PAM: variants seen among roughly 807,000 people sequenced by gnomAD.
PAM encodes peptidyl-glycine alpha-amidating monooxygenase.
In PAM, 72 loss-of-function variants were observed where a neutral mutation model predicts 122.1. That is an observed-to-expected ratio of 0.59 (90% CI 0.49 to 0.72). PAM has a LOEUF of 0.72. Among genes scored for constraint, PAM ranks in the 30% least tolerant of loss-of-function variants. The probability of loss-of-function intolerance (pLI) is 0.00; values close to 1 mark genes in which losing one functional copy is unlikely to be tolerated. For synonymous variants in PAM, 389 were observed against 404.4 expected (o/e 0.96, Z 0.46); for missense variants, 1,106 against 1,183.7 (o/e 0.93, Z 0.96).
intron 7 of PAM, among the ~76,000 whole-genome samples, chr5:102,946,205 G>A (rs888084604): frequency 6.6e-6 from 1 of 152,124 alleles, no homozygotes; most frequent in Admixed American, 6.6e-5. Context: ...CAGGACCCCT[G>A]TTGGCCTCCA....
At chr5:102,857,057 G>A (rs537403857) in intron 1 of PAM, among the ~76,000 whole-genome samples, 16 of 152,272 alleles carry the variant, frequency 1.1e-4, no homozygotes, top group African/African-American at 3.9e-4. Context: ...GTGTCCCTCA[G>A]TGATCACAAC....
chr5:103,000,362 A>G (rs1387208455), intron 16 of PAM, among the ~76,000 whole-genome samples: 1 of 152,192 alleles, frequency 6.6e-6, no homozygotes, highest in South Asian at 2.1e-4. Context: ...CATTGTTCAT[A>G]TCACTATCAG....
intron 1 of PAM, chr5:102,837,752 C>G (rs1452948616): frequency 6.6e-6 from 1 of 152,126 alleles, no homozygotes; most frequent in Non-Finnish European, 1.5e-5. Context: ...CAGAAAACAA[C>G]ATAATTATAT....
intron 7 of PAM, among the ~76,000 whole-genome samples, chr5:102,944,133 G>T (rs191169082): frequency 2.0e-5 from 3 of 151,924 alleles, no homozygotes; most frequent in Non-Finnish European, 2.9e-5. Flanking sequence ...AAAGCTTCTT[G>T]TACATGCATA....
rs371410077 is a variant in PAM, at chr5:102,926,592, A to C, written c.450A>C (p.Gly150=). The part of the protein sequence containing the change: ...APPTRLPKGV[G]FRVGGETGSK... ...TTTTTTGTAAATCTTTAGGTGTTGG[A>C]TTCAGAGTTGGAGGAGAGACTGGAA... Residue 150 remains glycine (G), a synonymous_variant, in exon 7 of 26, where the codon GGA becomes GGC. Transcript: ENST00000438793. 4 of 1,574,358 alleles carry C rather than the reference A, an allele frequency of 2.5e-6. No homozygotes were observed. Among genetic ancestry groups the C allele is most frequent in the Non-Finnish European group, 3.5e-6 (4 of 1,144,170 alleles).
At chr5:102,938,897 C>A (rs541457772) in intron 7 of PAM, among the ~76,000 whole-genome samples, 1 of 152,190 alleles carries the variant, frequency 6.6e-6, no homozygotes, top group South Asian at 2.1e-4. Context: ...TCACGCTGTT[C>A]CCCACTGCTC....
chr5:102,842,205 AAT>A lies in PAM; in HGVS notation c.-373-23597_-373-23596del, dbSNP rs71226933. Among the ~76,000 whole-genome samples the A allele has an allele frequency of 6.7e-3, 958 of 142,712 alleles. 3 individuals are homozygous for A. The highest frequency in any genetic ancestry group is 0.011 in the Non-Finnish European group (695 of 65,274). The allele number at this position is 142,712 out of a possible 152,430, so 93.6% of individuals were successfully genotyped here. A position where few individuals can be genotyped will look rare whatever the true frequency, so the allele number is the denominator to read the frequency against. On this transcript the variant is annotated intron_variant, in intron 1 of 25. Transcript: ENST00000438793. ...TTTAACTTTACAAAAATACAACCTA[AAT>A]ATATATATATATATATATATCTCCA...
intron 1 of PAM, among the ~76,000 whole-genome samples, chr5:102,801,259 C>T: frequency 6.6e-6 from 1 of 152,082 alleles, no homozygotes; most frequent in Admixed American, 6.5e-5. Flanking sequence ...TAATTTATAT[C>T]ATTAAAACAT....
intron 1 of PAM, among the ~76,000 whole-genome samples, chr5:102,783,224 A>G (rs908314398): frequency 1.6e-5 from 2 of 122,416 alleles, no homozygotes; most frequent in African/African-American, 3.4e-5. Flanking sequence ...GTATTACCAG[A>G]TTTAGCAAAA....
rs1000556354 is a variant in PAM at position 102,837,016 on chromosome 5, G to A, written c.-373-28807G>A. Among the ~76,000 whole-genome samples, 21 of 152,064 alleles carry A rather than the reference G, an allele frequency of 1.4e-4. No homozygotes were observed. The East Asian group carries it at 3.9e-3, about 28-fold the overall frequency. ...TCTCCTGCTCTTTTTCTTTACAGTAGCCCACAGATTCCTAGTAGCTTGGCT... is the reference window on the plus strand; with the variant it reads ...TCTCCTGCTCTTTTTCTTTACAGTAACCCACAGATTCCTAGTAGCTTGGCT... On this transcript the variant is annotated intron_variant, in intron 1 of 25. Coordinates refer to ENST00000438793, the MANE Select transcript of PAM (RefSeq NM_001177306.2).
At chr5:103,009,898 T>G in intron 21 of PAM, 32 bp downstream of exon 21, 1 of 1,147,508 alleles carries the variant, frequency 8.7e-7, no homozygotes, top group South Asian at 1.4e-5. Flanking sequence ...GTTTCAATTT[T>G]CATGAGAAGA....
intron 4 of PAM, among the ~76,000 whole-genome samples, chr5:102,909,305 T>C (rs1372181183): frequency 6.6e-6 from 1 of 151,852 alleles, no homozygotes; most frequent in Non-Finnish European, 1.5e-5. Context: ...CATGATATAA[T>C]ACAGAGTTCC....
chr5:102,977,129 A>C (rs539920602), intron 15 of PAM, among the ~76,000 whole-genome samples: 1 of 152,158 alleles, frequency 6.6e-6, no homozygotes, highest in Non-Finnish European at 1.5e-5. Context: ...TGAGGGTTCA[A>C]AGGTGAAATT....
intron 16 of PAM, among the ~76,000 whole-genome samples, chr5:102,990,943 A>T (rs1773889714): frequency 6.6e-6 from 1 of 152,098 alleles, no homozygotes; most frequent in Non-Finnish European, 1.5e-5. Flanking sequence ...TTATTACTCA[A>T]ATTTGCTCTT....
At chr5:102,830,815 A>C (rs112559371) in intron 1 of PAM, among the ~76,000 whole-genome samples, 70 of 152,348 alleles carry the variant, frequency 4.6e-4, no homozygotes, top group African/African-American at 1.6e-3. Context: ...TTGGCAAATT[A>C]AGCATGTTTG....
chr5:102,797,308 T>A (rs1419649708), intron 1 of PAM, among the ~76,000 whole-genome samples: 1 of 152,182 alleles, frequency 6.6e-6, no homozygotes, highest in East Asian at 1.9e-4. Context: ...CCAATGTGAA[T>A]GCTCTAAATC....
intron 14 of PAM, among the ~76,000 whole-genome samples, chr5:102,962,064 A>G (rs1030204118): frequency 6.6e-6 from 1 of 151,948 alleles, no homozygotes; most frequent in African/African-American, 2.4e-5. Context: ...TCTTATTGCT[A>G]GCTGCTATTG....
chr5:102,894,402 C>T (rs994074752), intron 3 of PAM, among the ~76,000 whole-genome samples: 4 of 151,636 alleles, frequency 2.6e-5, no homozygotes, highest in African/African-American at 7.3e-5. Flanking sequence ...TAAAACTTCT[C>T]TTTCTTTGTC....
chr5:102,822,343 G>A (rs1772246148), intron 1 of PAM, among the ~76,000 whole-genome samples: 1 of 152,182 alleles, frequency 6.6e-6, no homozygotes, highest in African/African-American at 2.4e-5. Context: ...AGCTCAGGGT[G>A]CAAGGCAGGA....
Sources: allele counts gnomAD v4.1 joint callset (sites outside exome capture counted in the v4.1 genomes callset), GRCh38; gene constraint gnomAD v4.1.1; transcripts MANE v1.5; gene names NCBI Gene and HGNC (gene_info 2026-07-23, HGNC 2026-07-21).